Variants in KIAA1671 observed in about 807,000 individuals in gnomAD.
KIAA1671 encodes the protein uncharacterized protein KIAA1671.
A neutral mutation model predicts 131.2 loss-of-function variants in KIAA1671; 52 were observed. The observed-to-expected ratio is 0.40, with a 90% CI of 0.32 to 0.50. KIAA1671 has a LOEUF of 0.50. Among genes scored for constraint, KIAA1671 ranks in the 20% least tolerant of loss-of-function variants. KIAA1671 has a pLI of 0.73. For synonymous variants in KIAA1671, 1,003 were observed against 961.6 expected (o/e 1.04, Z -0.80); for missense variants, 2,360 against 2,364.2 (o/e 1.00, Z 0.04).
intron 1 of KIAA1671, among the ~76,000 whole-genome samples, chr22:25,002,374 A>C (rs1054108643): frequency 1.3e-5 from 2 of 152,132 alleles, no homozygotes; most frequent in African/African-American, 4.8e-5. Flanking sequence ...GTGGAAAGTG[A>C]GACAGGGAAG....
In KIAA1671 at chr22:25,001,279, ATG is replaced by A. The variant is rs564189148; in HGVS notation, c.-207-24347_-207-24346del. 1.2e-4 allele frequency among the ~76,000 whole-genome samples: 18 copies of A among 151,754 alleles called. No homozygotes were observed. In the South Asian group the frequency reaches 3.8e-3, roughly 32 times the overall value. Reference sequence around the variant, plus strand: ...TGTGTGTGTATATATATGCATGTGTATGTGTGTGCATGTGTATATACATATTT... The same window carrying A: ...TGTGTGTGTATATATATGCATGTGTATGTGTGCATGTGTATATACATATTT... On this transcript the variant is annotated intron_variant, in intron 1 of 12. Coordinates refer to ENST00000358431, the MANE Select transcript of KIAA1671 (RefSeq NM_001145206.2).
At chr22:25,088,650 C>CT (rs367707416) in intron 6 of KIAA1671, among the ~76,000 whole-genome samples, 22 of 152,152 alleles carry the variant, frequency 1.4e-4, no homozygotes, top group South Asian at 4.1e-4. Flanking sequence ...AAATAAATAA[C>CT]TTTTTTTTAA....
chr22:25,044,496 G>A (rs1485588039), intron 5 of KIAA1671, among the ~76,000 whole-genome samples: 1 of 152,154 alleles, frequency 6.6e-6, no homozygotes, highest in Non-Finnish European at 1.5e-5. Context: ...CCCAGCCTTG[G>A]ATGCCTGCCT....
intron 11 of KIAA1671, among the ~76,000 whole-genome samples, chr22:25,188,865 G>A (rs1402736221): frequency 6.6e-6 from 1 of 152,146 alleles, no homozygotes. Flanking sequence ...GGGCGGCAGA[G>A]GCAGAAGAAA....
At position 25,040,944 on chromosome 22, in the gene KIAA1671, T is replaced by A; in HGVS notation, c.3814T>A (p.Phe1272Ile). Residue 1272 changes from phenylalanine to isoleucine, a missense_variant, in exon 5 of 13, where the codon TTC (phenylalanine) becomes ATC (isoleucine). Transcript: ENST00000358431. Reference protein sequence around the residue: ...PASSAEINHSFTPGLGKQLAE... With the variant: ...PASSAEINHSITPGLGKQLAE... ...CAGTTCTGCCGAAATAAATCACAGT[T>A]TCACTCCTGGCTTAGGCAAGCAGCT... 1 of 1,480,610 alleles carries A rather than the reference T, an allele frequency of 6.8e-7. No individual in the cohort carries two copies. The highest frequency in any genetic ancestry group is 9.0e-7 in the Non-Finnish European group (1 of 1,115,112). 91.7% of individuals were successfully genotyped at this position (1,480,610 alleles called of 1,614,324 possible). A position where few individuals can be genotyped will look rare whatever the true frequency, so the allele number is the denominator to read the frequency against.
intron 6 of KIAA1671, among the ~76,000 whole-genome samples, chr22:25,065,487 G>A (rs1928418923): frequency 6.6e-6 from 1 of 152,094 alleles, no homozygotes; most frequent in Non-Finnish European, 1.5e-5. Context: ...CTACATGCGA[G>A]TCTTCTGATG....
intron 6 of KIAA1671, among the ~76,000 whole-genome samples, chr22:25,103,770 G>T (rs1267505707): frequency 6.6e-6 from 1 of 152,148 alleles, no homozygotes; most frequent in African/African-American, 2.4e-5. Context: ...GGGATTACGG[G>T]CGTGAGCCAC....
chr22:24,998,148 C>T (rs1241704632), intron 1 of KIAA1671, among the ~76,000 whole-genome samples: 3 of 152,174 alleles, frequency 2.0e-5, no homozygotes, highest in Non-Finnish European at 4.4e-5. Flanking sequence ...CACTTGTAAT[C>T]TCAGCGCTTT....
chr22:24,964,036 A>AAG (rs1922161960), intron 1 of KIAA1671, among the ~76,000 whole-genome samples: 1 of 151,370 alleles, frequency 6.6e-6, no homozygotes. Context: ...TCTGTAGTAA[A>AAG]ACAAAAATAG....
At chr22:25,190,640 C>A in intron 11 of KIAA1671, 62 bp from the exon 12 acceptor site, 1 of 1,403,470 alleles carries the variant, frequency 7.1e-7, no homozygotes, top group Non-Finnish European at 9.9e-7. Flanking sequence ...ACCACTCAGT[C>A]CTGCCCGCAA....
At chr22:25,132,449 C>T (rs1932483857) in intron 6 of KIAA1671, among the ~76,000 whole-genome samples, 2 of 152,192 alleles carry the variant, frequency 1.3e-5, no homozygotes, top group Non-Finnish European at 1.5e-5. Flanking sequence ...GATCAAATCC[C>T]AGATCTGCCA....
intron 1 of KIAA1671, among the ~76,000 whole-genome samples, chr22:25,007,013 CTCT>C (rs71750388): frequency 0.13 from 20,045 of 152,106 alleles, 1,480 homozygotes; most frequent in East Asian, 0.29. Flanking sequence ...CTACTGAAAG[CTCT>C]TCTTCTTGTG....
intron 6 of KIAA1671, among the ~76,000 whole-genome samples, chr22:25,069,346 G>T (rs1489897846): frequency 6.6e-6 from 1 of 152,166 alleles, no homozygotes; most frequent in Admixed American, 6.5e-5. Flanking sequence ...CTCTTTTGAA[G>T]GAAACATCTG....
At chr22:25,162,993 C>T (rs966789415) in intron 6 of KIAA1671, among the ~76,000 whole-genome samples, 6 of 152,134 alleles carry the variant, frequency 3.9e-5, no homozygotes, top group African/African-American at 1.4e-4. Flanking sequence ...TTTGTTTTCA[C>T]AAAACTGGTG....
chr22:25,072,508 C>G (rs1928881602), intron 6 of KIAA1671, among the ~76,000 whole-genome samples: 1 of 152,174 alleles, frequency 6.6e-6, no homozygotes, highest in African/African-American at 2.4e-5. Flanking sequence ...ATTTCTCTGT[C>G]TCTCTGAGTC....
At chr22:25,038,069 T>A (rs1444406259) in intron 4 of KIAA1671, among the ~76,000 whole-genome samples, 1 of 152,206 alleles carries the variant, frequency 6.6e-6, no homozygotes, top group Non-Finnish European at 1.5e-5. Flanking sequence ...ATTCCTGAGC[T>A]TAGGTGATCC....
intron 1 of KIAA1671, among the ~76,000 whole-genome samples, chr22:24,956,277 T>C (rs1190371751): frequency 1.3e-5 from 2 of 152,196 alleles, no homozygotes; most frequent in African/African-American, 4.8e-5. Context: ...GCAAACCTGC[T>C]TTAGAACCCT....
intron 5 of KIAA1671, among the ~76,000 whole-genome samples, chr22:25,044,023 T>A (rs1927088774): frequency 7.9e-6 from 1 of 126,946 alleles, no homozygotes; most frequent in African/African-American, 3.8e-5. Context: ...GTAATGATCA[T>A]GCGGTGAGGA....
At chr22:25,082,282 A>G (rs1001567888) in intron 6 of KIAA1671, among the ~76,000 whole-genome samples, 12 of 152,140 alleles carry the variant, frequency 7.9e-5, no homozygotes, top group African/African-American at 2.7e-4. Flanking sequence ...GTGCACGTGT[A>G]TTGAGTGCCT....
Sources: allele counts gnomAD v4.1 joint callset (sites outside exome capture counted in the v4.1 genomes callset), GRCh38; gene constraint gnomAD v4.1.1; transcripts MANE v1.5; gene names NCBI Gene and HGNC (gene_info 2026-07-23, HGNC 2026-07-21).